Variants in MTA3 observed in about 807,000 individuals in gnomAD.
MTA3 encodes the protein metastasis-associated protein MTA3.
In MTA3, 34 loss-of-function variants were observed where a neutral mutation model predicts 83.5. That is an observed-to-expected ratio of 0.41 (90% CI 0.31 to 0.54). The LOEUF (loss-of-function observed/expected upper bound fraction) is 0.54. Among genes scored for constraint, MTA3 ranks in the 20% least tolerant of loss-of-function variants. The probability of loss-of-function intolerance (pLI) is 0.33; values close to 1 mark genes in which losing one functional copy is unlikely to be tolerated. For missense variants in MTA3, 761 were observed against 726.4 expected (o/e 1.05, Z -0.55); for synonymous variants, 303 against 252.7 (o/e 1.20, Z -1.89).
chr2:42,578,767 T>G (rs1679312792), intron 2 of MTA3, among the ~76,000 whole-genome samples: 1 of 152,230 alleles, frequency 6.6e-6, no homozygotes, highest in South Asian at 2.1e-4. Flanking sequence ...CTTTCTCTTT[T>G]GTTTTTTTTA....
chr2:42,523,280 A>T (rs1675510840), intron 2 of MTA3, among the ~76,000 whole-genome samples: 1 of 152,134 alleles, frequency 6.6e-6, no homozygotes, highest in South Asian at 2.1e-4. Context: ...GTAAGGAAGC[A>T]GTTATAGCAA....
intron 2 of MTA3, among the ~76,000 whole-genome samples, chr2:42,557,283 T>A (rs568778723): frequency 6.2e-4 from 72 of 116,348 alleles, no homozygotes; most frequent in Non-Finnish European, 9.1e-4. Flanking sequence ...TGTCTCAATA[T>A]AAATAAATAA....
At chr2:42,663,687 C>T (rs1034424011) in intron 8 of MTA3, among the ~76,000 whole-genome samples, 1 of 152,106 alleles carries the variant, frequency 6.6e-6, no homozygotes, top group Admixed American at 6.5e-5. Flanking sequence ...ATCCCTTGAG[C>T]CAAGAAGTTC....
Position 42,717,706 on chromosome 2 carries a change from A to G in MTA3, c.1526-1282A>G, listed in dbSNP as rs113341446. 3.2e-4 allele frequency among the ~76,000 whole-genome samples: 49 copies of G among 152,348 alleles called. 1 individual carries two copies. Among genetic ancestry groups the G allele is most frequent in the African/African-American group, 1.1e-3 (46 of 41,586 alleles). ...CACCAATGAATGACATAGCTTGATC[A>G]GGGTTAGAAAACCAGTGATAAAACC... On this transcript the variant is annotated intron_variant, in intron 14 of 16. Transcript: ENST00000405094.
chr2:42,719,974 G>C (rs946974878), intron 15 of MTA3, among the ~76,000 whole-genome samples: 1 of 152,102 alleles, frequency 6.6e-6, no homozygotes, highest in Admixed American at 6.5e-5. Flanking sequence ...TATGTACTCA[G>C]AGTTGCTTTG....
At chr2:42,600,363 C>G (rs1682409616) in intron 3 of MTA3, among the ~76,000 whole-genome samples, 1 of 152,124 alleles carries the variant, frequency 6.6e-6, no homozygotes, top group Non-Finnish European at 1.5e-5. Flanking sequence ...AGTTATAATC[C>G]TTTACCCTCC....
At chr2:42,594,728 A>ATATATATATATATATATATTTTTTTTTTT in intron 3 of MTA3, among the ~76,000 whole-genome samples, 1 of 24,044 alleles carries the variant, frequency 4.2e-5, no homozygotes, top group African/African-American at 2.2e-4. Context: ...ATATATATAT[A>ATATATATATATATATATATTTTTTTTTTT]TTTTTTTTTT....
At chr2:42,498,562 A>C (rs1168666278) in intron 2 of MTA3, among the ~76,000 whole-genome samples, 2 of 152,202 alleles carry the variant, frequency 1.3e-5, no homozygotes, top group African/African-American at 4.8e-5. Flanking sequence ...GCACACATGC[A>C]TAATTGGTAC....
intron 16 of MTA3, among the ~76,000 whole-genome samples, chr2:42,732,591 A>G (rs573130238): frequency 6.6e-6 from 1 of 152,314 alleles, no homozygotes; most frequent in South Asian, 2.1e-4. Context: ...GGGGATTAAC[A>G]TTAGGCTTCT....
chr2:42,654,907 C>T (rs1271308995), intron 6 of MTA3, among the ~76,000 whole-genome samples: 2 of 152,222 alleles, frequency 1.3e-5, no homozygotes, highest in African/African-American at 2.4e-5. Context: ...TGAGCCACCA[C>T]ACCCAGCCTC....
chr2:42,682,650 C>A, intron 9 of MTA3, 61 bp downstream of exon 9: 2 of 1,432,960 alleles, frequency 1.4e-6, no homozygotes, highest in Non-Finnish European at 1.9e-6. Context: ...TTTTAGAAAT[C>A]TGGTAAACCT....
intron 8 of MTA3, among the ~76,000 whole-genome samples, chr2:42,664,552 C>T (rs1490986297): frequency 7.4e-6 from 1 of 135,644 alleles, no homozygotes; most frequent in African/African-American, 2.8e-5. Flanking sequence ...TGGCTCACTG[C>T]AACCTCTGCT....
intron 2 of MTA3, among the ~76,000 whole-genome samples, chr2:42,516,134 G>T (rs878894698): frequency 2.0e-5 from 3 of 151,864 alleles, no homozygotes; most frequent in Admixed American, 2.0e-4. Context: ...CTCCAGGATG[G>T]TCTTGATTTC....
chr2:42,579,046 T>C, intron 2 of MTA3, 61 bp from the exon 3 acceptor site: 1 of 1,146,428 alleles, frequency 8.7e-7, no homozygotes. Context: ...CTAGTTTCGT[T>C]GTATAAATTA....
intron 3 of MTA3, among the ~76,000 whole-genome samples, chr2:42,605,038 C>T (rs867264354): frequency 0.01 from 1,553 of 150,930 alleles, 22 homozygotes; most frequent in African/African-American, 0.036. Flanking sequence ...CCACCTTTCC[C>T]GCCTTTCTAT....
intron 3 of MTA3, among the ~76,000 whole-genome samples, chr2:42,607,320 C>T (rs1027058600): frequency 6.6e-6 from 1 of 152,104 alleles, no homozygotes; most frequent in Admixed American, 6.6e-5. Context: ...AGGAGTCTCC[C>T]GCTGGAGATT....
intron 3 of MTA3, among the ~76,000 whole-genome samples, chr2:42,598,308 AC>A (rs1175315379): frequency 7.0e-6 from 1 of 143,446 alleles, no homozygotes; most frequent in Non-Finnish European, 1.5e-5. Context: ...CTCGTGATCC[AC>A]CCGCCTCGGC....
intron 9 of MTA3, among the ~76,000 whole-genome samples, chr2:42,685,833 A>G (rs1573615574): frequency 6.6e-6 from 1 of 152,332 alleles, no homozygotes; most frequent in African/African-American, 2.4e-5. Context: ...TGTTGTTTTT[A>G]AATTATCATC....
At chr2:42,593,861 AAATT>A (rs1441501451) in intron 3 of MTA3, among the ~76,000 whole-genome samples, 1 of 152,160 alleles carries the variant, frequency 6.6e-6, no homozygotes, top group African/African-American at 2.4e-5. Context: ...AGATATTACC[AAATT>A]AATTGCTTCA....
Sources: gnomAD v4.1 joint callset for allele counts (sites outside exome capture counted in the v4.1 genomes callset) on GRCh38, gnomAD v4.1.1 for gene constraint, MANE v1.5 for transcripts, NCBI Gene and HGNC (gene_info 2026-07-23, HGNC 2026-07-21) for gene names.